IQCH: variants seen among roughly 807,000 people sequenced by gnomAD.
IQCH encodes IQ motif containing H.
A neutral mutation model predicts 117.0 loss-of-function variants in IQCH; 98 were observed. The observed-to-expected ratio is 0.84, with a 90% CI of 0.71 to 0.99. IQCH has a LOEUF of 0.99. Among genes scored for constraint, IQCH ranks in the 50% least tolerant of loss-of-function variants. The probability of loss-of-function intolerance (pLI) is 0.00; values close to 1 mark genes in which losing one functional copy is unlikely to be tolerated. For synonymous variants in IQCH, 412 were observed against 448.2 expected, an observed-to-expected ratio of 0.92 and a Z score of 1.02; for missense variants, 1,102 against 1,243.8, an observed-to-expected ratio of 0.89 and a Z score of 1.72.
chr15:67,468,186 C>G (rs1299479844), intron 17 of IQCH, among the ~76,000 whole-genome samples: 1 of 152,252 alleles, frequency 6.6e-6, no homozygotes, highest in African/African-American at 2.4e-5. Context: ...CTCTTCCTCG[C>G]TCTTTCTGGA....
chr15:67,259,994 T>G (rs1229702950), intron 1 of IQCH, among the ~76,000 whole-genome samples: 1 of 152,246 alleles, frequency 6.6e-6, no homozygotes, highest in East Asian at 1.9e-4. Context: ...TCTGATCTTT[T>G]GAATAATTGG....
chr15:67,478,837 T>TG (rs2083275331), intron 18 of IQCH, among the ~76,000 whole-genome samples: 1 of 151,574 alleles, frequency 6.6e-6, no homozygotes, highest in Non-Finnish European at 1.5e-5. Context: ...GGCAGGAGAA[T>TG]GGCTTGAACC....
At chr15:67,299,007 A>T (rs891614563) in intron 4 of IQCH, among the ~76,000 whole-genome samples, 1 of 152,100 alleles carries the variant, frequency 6.6e-6, no homozygotes, top group Non-Finnish European at 1.5e-5. Context: ...AAGATTTAGA[A>T]GCAACCTAAG....
chr15:67,358,501 C>G (rs1011459201), intron 7 of IQCH, among the ~76,000 whole-genome samples: 2 of 152,072 alleles, frequency 1.3e-5, no homozygotes, highest in Admixed American at 6.6e-5. Context: ...GGGCCAAATT[C>G]TGTATTCTTT....
intron 4 of IQCH, among the ~76,000 whole-genome samples, chr15:67,335,633 T>A (rs1312499830): frequency 1.3e-5 from 2 of 152,224 alleles, no homozygotes; most frequent in African/African-American, 4.8e-5. Context: ...GAGCTGAGGA[T>A]AAGGGCAAGA....
rs976335930 is a variant in IQCH, at chr15:67,490,172, G to A, written c.2861+108G>A. The A allele has an allele frequency of 1.7e-5, 14 of 807,466 alleles. No homozygotes were observed. The highest frequency in any genetic ancestry group is 3.5e-5 in the African/African-American group (2 of 57,692). 50.0% of individuals were successfully genotyped at this position (807,466 alleles called of 1,614,324 possible). ...TTTTAATCAGCATGCTGATTTATTA[G>A]AAGTCTATCTTTATTTAGATCTTCA... On this transcript the variant is annotated intron_variant, in intron 19 of 20. Coordinates refer to ENST00000335894, the MANE Select transcript of IQCH (RefSeq NM_001031715.3). This position sits in a 1 kb window ranked among gnomAD's most constrained non-coding sequence, Gnocchi z 4.9.
intron 16 of IQCH, among the ~76,000 whole-genome samples, chr15:67,452,163 C>T (rs1286092246): frequency 6.6e-6 from 1 of 152,124 alleles, no homozygotes; most frequent in Non-Finnish European, 1.5e-5. Flanking sequence ...ACTGATGGGT[C>T]TTGACTCTTT....
chr15:67,472,887 G>A lies in IQCH; in HGVS notation c.2677-2809G>A, dbSNP rs2083105785. Among the ~76,000 whole-genome samples the A allele has an allele frequency of 2.0e-5, 3 of 152,118 alleles. 1 individual carries two copies. The highest frequency in any genetic ancestry group is 2.0e-4 in the Admixed American group (3 of 15,274). On this transcript the variant is annotated intron_variant, in intron 17 of 20. Transcript: ENST00000335894. The surrounding 1 kb of genome is among the most constrained non-coding windows in gnomAD (Gnocchi z 4.3). ...CACAAACCCCAGTCTGGGAGGAAGG[G>A]GAGTTGCACTCTGCATCTGTAGTGA...
At chr15:67,326,714 T>C (rs1039916393) in intron 4 of IQCH, among the ~76,000 whole-genome samples, 5 of 152,190 alleles carry the variant, frequency 3.3e-5, no homozygotes, top group African/African-American at 1.2e-4. Flanking sequence ...CAGGGAAACA[T>C]TTTTTATTAA....
At chr15:67,438,965 T>C (rs1394837206) in intron 16 of IQCH, among the ~76,000 whole-genome samples, 1 of 152,192 alleles carries the variant, frequency 6.6e-6, no homozygotes, top group African/African-American at 2.4e-5. Context: ...AGTTGGGGAC[T>C]TCAATACTCC....
chr15:67,361,608 G>C (rs1345907831), intron 8 of IQCH, among the ~76,000 whole-genome samples: 1 of 152,054 alleles, frequency 6.6e-6, no homozygotes, highest in African/African-American at 2.4e-5. Context: ...ATCAGTTTCT[G>C]TGTCTTTTAC....
Position 67,364,697 on chromosome 15 carries a change from TC to T in IQCH, c.753+4816del, listed in dbSNP as rs1380857133. Among the ~76,000 whole-genome samples the T allele has an allele frequency of 1.3e-5, 2 of 152,196 alleles. No homozygotes were observed. The highest frequency in any genetic ancestry group is 3.8e-4 in the East Asian group (2 of 5,204). ...GAAAAAAAGTATAGAAGGATTTTTT[TC>T]CCCATATCACAATCCTTTGGTACTA... is the stretch of plus-strand genomic sequence containing the variant. On this transcript the variant is annotated intron_variant, in intron 8 of 20. Coordinates refer to ENST00000335894, the MANE Select transcript of IQCH (RefSeq NM_001031715.3). The surrounding 1 kb of genome is among the most constrained non-coding windows in gnomAD (Gnocchi z 4.1).
rs1370688309 is a variant in IQCH, at chr15:67,384,585, G to A, written c.1373-351G>A. ...GAAGCTCACATTAAGAAGCCAAAAC[G>A]ATATTTTTTTTAACCTGAGCATAAT... On this transcript the variant is annotated intron_variant, in intron 10 of 20. Transcript: ENST00000335894. The surrounding 1 kb of genome is among the most constrained non-coding windows in gnomAD (Gnocchi z 4.3). Among the ~76,000 whole-genome samples, 3 of 151,948 alleles carry A rather than the reference G, an allele frequency of 2.0e-5. No homozygotes were observed. Among genetic ancestry groups the A allele is most frequent in the Admixed American group, 6.6e-5 (1 of 15,244 alleles).
intron 4 of IQCH, chr15:67,281,911 C>G (rs1332941794): frequency 1.9e-5 from 7 of 376,058 alleles, no homozygotes; most frequent in Non-Finnish European, 3.7e-5. Flanking sequence ...CTCCTGTGAA[C>G]TCCCAAAGCA....
At chr15:67,343,926 C>A in intron 5 of IQCH, 137 bp from the exon 6 acceptor site, 2 of 617,664 alleles carry the variant, frequency 3.2e-6, no homozygotes, top group African/African-American at 1.9e-5. Flanking sequence ...TTTTTTTATG[C>A]AAAGGATTAA....
chr15:67,284,891 T>C (rs1487846271), intron 4 of IQCH, among the ~76,000 whole-genome samples: 1 of 152,208 alleles, frequency 6.6e-6, no homozygotes, highest in Non-Finnish European at 1.5e-5. Context: ...ATGTCTTTGC[T>C]ACTGTGAATA....
In IQCH at chr15:67,430,149, AGGCAGCCATGTT is replaced by A. The variant is rs376779811; in HGVS notation, c.2505+8575_2505+8586del. Among the ~76,000 whole-genome samples, 9 of 152,132 alleles carry A rather than the reference AGGCAGCCATGTT, an allele frequency of 5.9e-5. No homozygotes were observed. Among genetic ancestry groups the A allele is most frequent in the African/African-American group, 2.2e-4 (9 of 41,416 alleles). ...GCACTCCAGAATACACAGAGCTACA[AGGCAGCCATGTT>A]GGAGATCTGGCCTTCCCACATAAGG... On this transcript the variant is annotated intron_variant, in intron 16 of 20. Coordinates refer to ENST00000335894, the MANE Select transcript of IQCH (RefSeq NM_001031715.3). The surrounding 1 kb of genome is among the most constrained non-coding windows in gnomAD (Gnocchi z 5.1).
intron 4 of IQCH, among the ~76,000 whole-genome samples, chr15:67,320,837 A>T (rs1432173106): frequency 6.6e-6 from 1 of 152,166 alleles, no homozygotes; most frequent in African/African-American, 2.4e-5. Context: ...CAAAAAGAGT[A>T]TTGTGGTCCC....
chr15:67,259,615 C>T (rs1965376172), intron 1 of IQCH, among the ~76,000 whole-genome samples: 2 of 152,220 alleles, frequency 1.3e-5, no homozygotes, highest in Non-Finnish European at 2.9e-5. Context: ...ACAGTTTTTA[C>T]TCCCTCCAGT....
Sources: gnomAD v4.1 joint callset for allele counts (sites outside exome capture counted in the v4.1 genomes callset) on GRCh38, gnomAD v4.1.1 for gene constraint, Gnocchi (gnomAD v3.1) non-coding constraint, MANE v1.5 for transcripts, NCBI Gene and HGNC (gene_info 2026-07-23, HGNC 2026-07-21) for gene names.